NAALADL2: variants seen among roughly 807,000 people sequenced by gnomAD.
NAALADL2 encodes the protein inactive N-acetylated-alpha-linked acidic dipeptidase-like protein 2.
Under a neutral mutation model 87.2 loss-of-function variants are expected in NAALADL2, and 76 were observed. The observed-to-expected ratio is 0.87, with a 90% CI of 0.72 to 1.05. The LOEUF (loss-of-function observed/expected upper bound fraction) is 1.05. NAALADL2 is among the 50% of genes least tolerant of loss of function. The pLI, the probability that NAALADL2 is intolerant of heterozygous loss-of-function variation, is 0.00. For synonymous variants in NAALADL2, 354 were observed against 331.0 expected (o/e 1.07, Z -0.75); for missense variants, 1,089 against 945.8 (o/e 1.15, Z -1.99).
chr3:175,076,485 A>C (rs140949215), intron 1 of NAALADL2, among the ~76,000 whole-genome samples: 2 of 152,276 alleles, frequency 1.3e-5, no homozygotes, highest in South Asian at 2.1e-4. Context: ...TTAAGAAGTA[A>C]GAAAAACACA....
chr3:175,630,809 G>A (rs62284519), intron 11 of NAALADL2, among the ~76,000 whole-genome samples: 2 of 151,024 alleles, frequency 1.3e-5, no homozygotes, highest in Admixed American at 1.3e-4. Flanking sequence ...AAAACCCATC[G>A]AGGTATACAT....
chr3:174,640,691 C>G lies in NAALADL2; in HGVS notation c.-115+90054C>G, dbSNP rs1262949431. 3.3e-5 allele frequency among the ~76,000 whole-genome samples: 5 copies of G among 152,274 alleles called. No individual in the cohort carries two copies. The East Asian group carries it at 9.7e-4, about 30-fold the overall frequency. On this transcript the variant is annotated intron_variant, in intron 2 of 3. Coordinates refer to the NAALADL2 transcript ENST00000434257. Reference sequence around the variant, plus strand: ...GCCCTCGGGGCCTTTTTGCCTTTAGCTTTTCTGATGCCAGGGCCAGGCCTT... The same window carrying G: ...GCCCTCGGGGCCTTTTTGCCTTTAGGTTTTCTGATGCCAGGGCCAGGCCTT...
At chr3:174,559,716 T>C (rs1338875125) in intron 2 of NAALADL2, among the ~76,000 whole-genome samples, 1 of 152,200 alleles carries the variant, frequency 6.6e-6, no homozygotes, top group East Asian at 1.9e-4. Flanking sequence ...GCTTGTTGTA[T>C]GATGGAAAGA....
At chr3:174,687,871 G>A (rs966228777) in intron 2 of NAALADL2, among the ~76,000 whole-genome samples, 3 of 152,032 alleles carry the variant, frequency 2.0e-5, no homozygotes, top group Non-Finnish European at 1.5e-5. Flanking sequence ...ATAATGGGAA[G>A]TTCCCCTGCA....
intron 1 of NAALADL2, among the ~76,000 whole-genome samples, chr3:174,988,158 G>C (rs980194372): frequency 6.6e-6 from 1 of 152,122 alleles, no homozygotes; most frequent in Non-Finnish European, 1.5e-5. Context: ...TTCTGCTCAT[G>C]AATCAAAGAA....
chr3:175,112,734 C>G (rs757853327), intron 2 of NAALADL2: 1 of 151,516 alleles, frequency 6.6e-6, no homozygotes, highest in Non-Finnish European at 1.5e-5. Context: ...TTAGTAAATA[C>G]AAAGATGGAT....
At chr3:175,398,028 AAAAC>A (rs1161783588) in intron 5 of NAALADL2, among the ~76,000 whole-genome samples, 1 of 152,132 alleles carries the variant, frequency 6.6e-6, no homozygotes, top group Non-Finnish European at 1.5e-5. Flanking sequence ...TTGTGCCCCC[AAAAC>A]AAACAAAAAA....
intron 2 of NAALADL2, among the ~76,000 whole-genome samples, chr3:174,678,411 A>T (rs1560138361): frequency 6.6e-6 from 1 of 152,106 alleles, no homozygotes. Flanking sequence ...TTGCCCAGTT[A>T]TACTTTATGC....
In NAALADL2 at chr3:174,493,935, TG is replaced by T. The variant is rs1431357541; in HGVS notation, c.-184+52904del. Among the ~76,000 whole-genome samples, 6 of 152,208 alleles carry T rather than the reference TG, an allele frequency of 3.9e-5. No individual in the cohort carries two copies. In the South Asian group the frequency reaches 8.3e-4, roughly 21 times the overall value. The stretch of plus-strand genomic sequence containing the variant: ...CTGTGATAGAGATACGAACAAGGTG[TG>T]CCGGATTAGAGATCAAACAGTCAAC... On this transcript the variant is annotated intron_variant, in intron 1 of 3. Transcript: ENST00000434257.
rs190023566 is a variant in NAALADL2, at chr3:174,915,037, G to T, written c.43+55587G>T. Among the ~76,000 whole-genome samples the T allele has an allele frequency of 3.9e-5, 6 of 152,178 alleles. No individual in the cohort carries two copies. In the East Asian group the frequency reaches 1.2e-3, roughly 29 times the overall value. On this transcript the variant is annotated intron_variant, in intron 1 of 13. Transcript: ENST00000454872. ...TTTAATTCTACAAAGTCTCTATTCT[G>T]GACAGGTTCTAAGAGTTCTAGAAAA...
intron 2 of NAALADL2, among the ~76,000 whole-genome samples, chr3:175,160,206 T>C (rs1732944167): frequency 6.6e-6 from 1 of 151,830 alleles, no homozygotes. Context: ...GTGGTAGTTT[T>C]GATTATATAA....
Position 175,397,375 on chromosome 3 carries a change from A to AT in NAALADL2, c.1091-49844dup, listed in dbSNP as rs368601287. On this transcript the variant is annotated intron_variant, in intron 5 of 13. Coordinates refer to ENST00000454872, the MANE Select transcript of NAALADL2 (RefSeq NM_207015.3). ...TCCCACCATTTCTAAACAGTTCTAA[A>AT]TTTTTTTTTTGAGGTACGCAAGGGA... is the stretch of plus-strand genomic sequence containing the variant. 1.5e-4 allele frequency: 23 copies of AT among 150,730 alleles called. No homozygotes were observed. In the East Asian group the frequency reaches 1.9e-3, roughly 13 times the overall value. The allele number at this position is 150,730 out of a possible 1,614,324, so 9.3% of individuals were successfully genotyped here.
intron 11 of NAALADL2, among the ~76,000 whole-genome samples, chr3:175,636,393 T>C (rs1253624987): frequency 6.6e-6 from 1 of 152,068 alleles, no homozygotes; most frequent in African/African-American, 2.4e-5. Flanking sequence ...AGAGGTGGGT[T>C]ACCCTTAGAA....
At chr3:174,630,763 G>A (rs942870994) in intron 2 of NAALADL2, among the ~76,000 whole-genome samples, 3 of 152,142 alleles carry the variant, frequency 2.0e-5, no homozygotes, top group African/African-American at 7.2e-5. Context: ...GAAAGCTGTA[G>A]CCTATATCCA....
intron 1 of NAALADL2, among the ~76,000 whole-genome samples, chr3:174,476,317 G>A (rs1481512041): frequency 6.6e-6 from 1 of 151,404 alleles, no homozygotes; most frequent in Non-Finnish European, 1.5e-5. Context: ...TGTTTGCAGG[G>A]GAGAGGAATA....
chr3:175,005,284 T>A (rs535822343), intron 1 of NAALADL2, among the ~76,000 whole-genome samples: 10 of 152,274 alleles, frequency 6.6e-5, no homozygotes, highest in African/African-American at 2.4e-4. Context: ...TAGAAAGTGG[T>A]CAAGCCAGGA....
chr3:175,013,302 T>TTTTG (rs1750393801), intron 1 of NAALADL2, among the ~76,000 whole-genome samples: 1 of 54,864 alleles, frequency 1.8e-5, no homozygotes, highest in African/African-American at 1.1e-4. Context: ...TATATATATA[T>TTTTG]TTTTTTTTTT....
chr3:175,203,024 T>C (rs781499838), intron 2 of NAALADL2, among the ~76,000 whole-genome samples: 2 of 152,014 alleles, frequency 1.3e-5, no homozygotes, highest in Non-Finnish European at 2.9e-5. Context: ...GTGGACGAGA[T>C]GGACTTTAGA....
intron 1 of NAALADL2, among the ~76,000 whole-genome samples, chr3:174,522,502 G>GA (rs940233863): frequency 2.3e-4 from 35 of 151,750 alleles, no homozygotes; most frequent in South Asian, 1.3e-3. Flanking sequence ...CCAAAAAAAA[G>GA]AAAAAAAATT....
Sources: gnomAD v4.1 joint callset for allele counts (sites outside exome capture counted in the v4.1 genomes callset) on GRCh38, gnomAD v4.1.1 for gene constraint, MANE v1.5 for transcripts, NCBI Gene and HGNC (gene_info 2026-07-23, HGNC 2026-07-21) for gene names.